The following ACTR3 variants were observed in gnomAD, a reference collection of about 807,000 sequenced individuals.
ACTR3 encodes actin related protein 3.
A neutral mutation model predicts 56.8 loss-of-function variants in ACTR3; 12 were observed. That is an observed-to-expected ratio of 0.21 (90% confidence interval 0.14 to 0.34). ACTR3 has a LOEUF of 0.34. ACTR3 is among the 10% of genes least tolerant of loss of function. The pLI, the probability that ACTR3 is intolerant of heterozygous loss-of-function variation, is 1.00. For missense variants in ACTR3, 282 were observed against 512.5 expected, an observed-to-expected ratio of 0.55 and a Z score of 4.34; for synonymous variants, 162 against 167.4, an observed-to-expected ratio of 0.97 and a Z score of 0.25.
At chr2:113,908,274 A>G (rs1028837567) in intron 1 of ACTR3, among the ~76,000 whole-genome samples, 1 of 150,456 alleles carries the variant, frequency 6.6e-6, no homozygotes, top group African/African-American at 2.4e-5. Context: ...TTTGTCAAAG[A>G]AAAAGCGAGA....
chr2:113,896,323 T>C (rs570032059), intron 1 of ACTR3, among the ~76,000 whole-genome samples: 127 of 152,374 alleles, frequency 8.3e-4, no homozygotes, highest in Non-Finnish European at 1.5e-3. Context: ...TTATGCTTAT[T>C]TTCTTATCTC....
intron 6 of ACTR3, among the ~76,000 whole-genome samples, 188 bp from the exon 7 acceptor site, chr2:113,939,767 AAAAT>A (rs1679891792): frequency 6.6e-6 from 1 of 152,208 alleles, no homozygotes; most frequent in South Asian, 2.1e-4. Context: ...TGTCAGTGGG[AAAAT>A]AAATCTAAGT....
chr2:113,928,115 T>C (rs1412473387), intron 4 of ACTR3, among the ~76,000 whole-genome samples: 1 of 152,186 alleles, frequency 6.6e-6, no homozygotes, highest in African/African-American at 2.4e-5. Context: ...CTTTTTACCT[T>C]TTCTCTCCCT....
At chr2:113,940,229 C>A in intron 7 of ACTR3, 127 bp downstream of exon 7, 2 of 702,910 alleles carry the variant, frequency 2.8e-6, no homozygotes, top group Non-Finnish European at 4.3e-6. Context: ...AAATTATTAC[C>A]CTTAAATATA....
intron 8 of ACTR3, among the ~76,000 whole-genome samples, chr2:113,943,179 T>C (rs1017501065): frequency 6.6e-6 from 1 of 152,216 alleles, no homozygotes; most frequent in African/African-American, 2.4e-5. Flanking sequence ...ACAAAGAGCA[T>C]GTAAGTCTGC....
At position 113,942,246 on chromosome 2, in the gene ACTR3, G is replaced by A; in HGVS notation, c.745G>A (p.Gly249Arg). Residue 249 changes from glycine to arginine, a missense_variant, in exon 8 of 12, where the codon GGG becomes AGG. Transcript: ENST00000263238. The part of the protein sequence containing the change: ...VKEFNKYDTD[G>R]SKWIKQYTGI... ...AGAATTTAACAAGTATGATACAGATGGGTCAAAATGGATTAAACAGTATAC... is the reference window on the plus strand; with the variant it reads ...AGAATTTAACAAGTATGATACAGATAGGTCAAAATGGATTAAACAGTATAC... 1 of 1,603,570 alleles carries A rather than the reference G, an allele frequency of 6.2e-7. No individual in the cohort carries two copies. The highest frequency in any genetic ancestry group is 1.3e-5 in the African/African-American group (1 of 74,340).
At chr2:113,917,864 C>A (rs1456134540) in intron 3 of ACTR3, among the ~76,000 whole-genome samples, 1 of 152,196 alleles carries the variant, frequency 6.6e-6, no homozygotes, top group Non-Finnish European at 1.5e-5. Flanking sequence ...AACACACACA[C>A]AGTGCTCTGT....
At chr2:113,925,322 A>T (rs1264870545) in intron 3 of ACTR3, among the ~76,000 whole-genome samples, 2 of 150,112 alleles carry the variant, frequency 1.3e-5, no homozygotes, top group East Asian at 3.9e-4. Flanking sequence ...CAGCCTCCCG[A>T]GTAGCTGGGA....
intron 6 of ACTR3, among the ~76,000 whole-genome samples, chr2:113,935,447 T>C (rs972289116): frequency 1.4e-4 from 22 of 152,212 alleles, no homozygotes; most frequent in Non-Finnish European, 1.9e-4. Flanking sequence ...TTTATGTAAA[T>C]GGAGTTAAAC....
At chr2:113,929,207 A>G (rs554098944) in intron 4 of ACTR3, among the ~76,000 whole-genome samples, 5 of 152,012 alleles carry the variant, frequency 3.3e-5, no homozygotes, top group Non-Finnish European at 7.4e-5. Context: ...CAGTGGATCA[A>G]TCATGGCTCA....
intron 9 of ACTR3, 54 bp downstream of exon 9, chr2:113,951,625 C>G (rs925360682): frequency 1.3e-6 from 2 of 1,535,538 alleles, no homozygotes; most frequent in Admixed American, 1.7e-5. Flanking sequence ...ACTTAAACAC[C>G]TCTCATAAAA....
At chr2:113,949,763 A>G (rs1442952350) in intron 8 of ACTR3, among the ~76,000 whole-genome samples, 1 of 152,020 alleles carries the variant, frequency 6.6e-6, no homozygotes, top group African/African-American at 2.4e-5. Flanking sequence ...GGGTCTCGCT[A>G]TGTTGCCCAG....
At chr2:113,911,077 G>T (rs1679297976) in intron 1 of ACTR3, among the ~76,000 whole-genome samples, 1 of 152,056 alleles carries the variant, frequency 6.6e-6, no homozygotes, top group Non-Finnish European at 1.5e-5. Context: ...CACTGGTAAG[G>T]TATTAAACTA....
chr2:113,942,852 T>G (rs1471814442), intron 8 of ACTR3, among the ~76,000 whole-genome samples: 1 of 152,194 alleles, frequency 6.6e-6, no homozygotes, highest in East Asian at 1.9e-4. Context: ...AATTAAGAAA[T>G]ACATACTTTT....
intron 3 of ACTR3, among the ~76,000 whole-genome samples, chr2:113,922,571 G>T (rs1353325365): frequency 6.6e-6 from 1 of 152,186 alleles, no homozygotes. Context: ...AAGAGGAACA[G>T]AGTAGAAGAG....
chr2:113,890,418 G>A, intron 1 of ACTR3, 95 bp downstream of exon 1: 1 of 1,369,860 alleles, frequency 7.3e-7, no homozygotes. Flanking sequence ...GTGCGGCGAG[G>A]TGCCGCCGCC....
chr2:113,908,466 A>G (rs984295694), intron 1 of ACTR3, among the ~76,000 whole-genome samples: 5 of 151,620 alleles, frequency 3.3e-5, no homozygotes, highest in Admixed American at 3.3e-4. Context: ...TTTTAAATAA[A>G]TTTAATATTT....
intron 3 of ACTR3, among the ~76,000 whole-genome samples, chr2:113,921,888 C>T (rs1559471541): frequency 6.6e-6 from 1 of 152,014 alleles, no homozygotes; most frequent in Non-Finnish European, 1.5e-5. Flanking sequence ...GAACATATCA[C>T]AGGGGAAGAG....
At chr2:113,925,940 T>C (rs1163464811) in intron 3 of ACTR3, among the ~76,000 whole-genome samples, 1 of 152,228 alleles carries the variant, frequency 6.6e-6, no homozygotes, top group East Asian at 1.9e-4. Flanking sequence ...TCAGTGCCGT[T>C]AGGGTCTCAG....
Sources: gnomAD v4.1 joint callset for allele counts (sites outside exome capture counted in the v4.1 genomes callset) on GRCh38, gnomAD v4.1.1 for gene constraint, MANE v1.5 for transcripts, NCBI Gene and HGNC (gene_info 2026-07-23, HGNC 2026-07-21) for gene names.